Variants in ZFHX3 observed in about 807,000 individuals in gnomAD.
ZFHX3 encodes the protein zinc finger homeobox 3.
ZFHX3 carries 42 observed loss-of-function variants against 279.1 expected under a neutral mutation model. The ratio of observed to expected loss-of-function variants is 0.15; its 90% CI spans 0.12 to 0.19. ZFHX3 has a LOEUF of 0.19. ZFHX3 is among the 10% of genes least tolerant of loss of function. ZFHX3 has a pLI of 1.00. For synonymous variants in ZFHX3, 2,293 were observed against 1,957.8 expected (o/e 1.17, Z -4.52); for missense variants, 4,981 against 4,754.0 (o/e 1.05, Z -1.40).
At chr16:73,652,029 G>A (rs2052677099) in intron 2 of ZFHX3, among the ~76,000 whole-genome samples, 1 of 152,074 alleles carries the variant, frequency 6.6e-6, no homozygotes, top group African/African-American at 2.4e-5. Context: ...CTCTACACAG[G>A]GACAGGATAG....
intron 3 of ZFHX3, among the ~76,000 whole-genome samples, chr16:73,327,774 C>T (rs2015722220): frequency 6.6e-6 from 1 of 152,214 alleles, no homozygotes; most frequent in Admixed American, 6.5e-5. Context: ...ACTGCAATCT[C>T]ACATTCACCC....
intron 8 of ZFHX3, among the ~76,000 whole-genome samples, chr16:73,066,450 G>A (rs952174506): frequency 7.2e-5 from 11 of 152,142 alleles, no homozygotes; most frequent in Non-Finnish European, 4.4e-5. Context: ...GCGGGCTCTG[G>A]ACTCCCGGGA....
chr16:73,891,242 C>G (rs919550676), intron 1 of ZFHX3, among the ~76,000 whole-genome samples: 2 of 152,110 alleles, frequency 1.3e-5, no homozygotes, highest in African/African-American at 4.8e-5. Context: ...ACCTCTCCCC[C>G]CAGCTCTCTT....
At chr16:72,949,652 A>G (rs1414824785) in intron 3 of ZFHX3, among the ~76,000 whole-genome samples, 1 of 151,806 alleles carries the variant, frequency 6.6e-6, no homozygotes, top group Non-Finnish European at 1.5e-5. Flanking sequence ...AGGGAAGAGG[A>G]GAAGAGACAG....
intron 1 of ZFHX3, among the ~76,000 whole-genome samples, chr16:73,874,492 T>G (rs990534863): frequency 6.6e-6 from 1 of 152,234 alleles, no homozygotes; most frequent in African/African-American, 2.4e-5. Context: ...CAAGACTCTG[T>G]TCTGACATTT....
chr16:73,890,708 G>T (rs192730614), intron 1 of ZFHX3, among the ~76,000 whole-genome samples: 1 of 151,904 alleles, frequency 6.6e-6, no homozygotes, highest in African/African-American at 2.4e-5. Context: ...ACGTTACATC[G>T]TCCTATTTAA....
intron 1 of ZFHX3, among the ~76,000 whole-genome samples, chr16:73,001,690 CAT>C (rs1379419782): frequency 2.0e-5 from 3 of 151,814 alleles, no homozygotes; most frequent in Non-Finnish European, 2.9e-5. Flanking sequence ...TGTGGTGGCA[CAT>C]GACTGTCGTC....
At chr16:73,218,642 A>G (rs2012297838) in intron 5 of ZFHX3, among the ~76,000 whole-genome samples, 1 of 152,026 alleles carries the variant, frequency 6.6e-6, no homozygotes, top group East Asian at 1.9e-4. Flanking sequence ...GGTGGTGTGC[A>G]CCTGTAGTCC....
At chr16:73,307,783 A>G (rs976156835) in intron 4 of ZFHX3, among the ~76,000 whole-genome samples, 1 of 152,198 alleles carries the variant, frequency 6.6e-6, no homozygotes, top group Non-Finnish European at 1.5e-5. Flanking sequence ...ATAATTTCCT[A>G]AAGTTCAGAG....
chr16:73,685,931 TG>T (rs2142201461), intron 1 of ZFHX3, among the ~76,000 whole-genome samples: 1 of 152,234 alleles, frequency 6.6e-6, no homozygotes, highest in African/African-American at 2.4e-5. Flanking sequence ...CTCGGAAGTG[TG>T]GGATGTTATT....
chr16:73,033,093 C>T (rs1273743137), intron 1 of ZFHX3, among the ~76,000 whole-genome samples: 2 of 152,094 alleles, frequency 1.3e-5, no homozygotes, highest in African/African-American at 4.8e-5. Context: ...TGACCCCACG[C>T]GACAGGGGAG....
intron 2 of ZFHX3, among the ~76,000 whole-genome samples, chr16:73,509,297 T>C (rs1453110560): frequency 2.0e-5 from 3 of 152,152 alleles, no homozygotes; most frequent in African/African-American, 7.2e-5. Flanking sequence ...CTCACTACCA[T>C]GTACCCGGTT....
At chr16:73,310,697 C>T (rs1458687211) in intron 4 of ZFHX3, among the ~76,000 whole-genome samples, 2 of 152,144 alleles carry the variant, frequency 1.3e-5, no homozygotes, top group African/African-American at 2.4e-5. Flanking sequence ...CACCAAGGTG[C>T]TCAATGAAGC....
chr16:73,517,909 TA>T (rs1056662722), intron 2 of ZFHX3, among the ~76,000 whole-genome samples: 6 of 152,180 alleles, frequency 3.9e-5, no homozygotes, highest in Non-Finnish European at 8.8e-5. Flanking sequence ...TTAAAAAACA[TA>T]AAAAAATAAG....
chr16:73,802,862 G>T (rs188344639), intron 1 of ZFHX3, among the ~76,000 whole-genome samples: 1 of 152,244 alleles, frequency 6.6e-6, no homozygotes, highest in Non-Finnish European at 1.5e-5. Flanking sequence ...CTGTTGCCCA[G>T]GCTAGAGTGC....
At position 72,950,768 on chromosome 16, in the gene ZFHX3, C is replaced by G; in HGVS notation, c.2917G>C (p.Glu973Gln). The G allele has an allele frequency of 6.2e-7, 1 of 1,614,234 alleles. No individual in the cohort carries two copies. The highest frequency in any genetic ancestry group is 8.5e-7 in the Non-Finnish European group (1 of 1,180,046). ...CCCATCACCGCCTTCCACTCGTCCT[C>G]CGACAGGCTGCGCTCCACGTTCATG... ...LHMNVERSLS[E>Q]DEWKAVMGDS... The change falls in exon 3 of 10, where the codon GAG becomes CAG. Residue 973 changes from glutamate (E) to glutamine (Q), a missense_variant. Physicochemically the swap from Glu to Gln is conservative, Grantham distance 29 (BLOSUM62 2). This residue lies in a region of ZFHX3 where 1,751 missense variants were observed against 1,770.0 expected (regional missense o/e 0.99). Coordinates refer to ENST00000268489, the MANE Select transcript of ZFHX3 (RefSeq NM_006885.4).
chr16:73,214,152 C>T (rs926844796), intron 5 of ZFHX3, among the ~76,000 whole-genome samples: 4 of 152,154 alleles, frequency 2.6e-5, no homozygotes, highest in Non-Finnish European at 4.4e-5. Flanking sequence ...GAAACTGCTC[C>T]GCACAGCCCA....
chr16:73,263,518 A>G (rs1262257177), intron 4 of ZFHX3, among the ~76,000 whole-genome samples: 1 of 151,962 alleles, frequency 6.6e-6, no homozygotes, highest in East Asian at 1.9e-4. Flanking sequence ...CCAATTCTCC[A>G]CCTAGATTGA....
chr16:73,017,234 G>GAA (rs113170514), intron 1 of ZFHX3, among the ~76,000 whole-genome samples: 2 of 126,316 alleles, frequency 1.6e-5, no homozygotes, highest in African/African-American at 3.0e-5. Context: ...CTCCCATCTC[G>GAA]AAAAAAAAAA....
Sources: gnomAD v4.1 joint callset for allele counts (sites outside exome capture counted in the v4.1 genomes callset) on GRCh38, gnomAD v4.1.1 for gene constraint, gnomAD v4.1.1 regional missense constraint, MANE v1.5 for transcripts, NCBI Gene and HGNC (gene_info 2026-07-23, HGNC 2026-07-21) for gene names.